EPHA4: variants seen among roughly 807,000 people sequenced by gnomAD.
EPHA4 encodes EPH receptor A4, also known as ephrin type-A receptor 4.
In EPHA4, 19 loss-of-function variants were observed where a neutral mutation model predicts 108.3. The ratio of observed to expected loss-of-function variants is 0.18; its 90% CI spans 0.12 to 0.26. The LOEUF (loss-of-function observed/expected upper bound fraction) is 0.26. Among genes scored for constraint, EPHA4 ranks in the 10% least tolerant of loss-of-function variants. EPHA4 has a pLI of 1.00. For synonymous variants in EPHA4, 449 were observed against 455.5 expected, an observed-to-expected ratio of 0.99 and a Z score of 0.18; for missense variants, 917 against 1,254.0, an observed-to-expected ratio of 0.73 and a Z score of 4.06.
chr2:221,457,312 G>T (rs1690990016), intron 6 of EPHA4, among the ~76,000 whole-genome samples: 1 of 152,160 alleles, frequency 6.6e-6, no homozygotes, highest in Non-Finnish European at 1.5e-5. Context: ...CTGTAAGAGA[G>T]ACAAGTTATT....
At chr2:221,525,595 C>T (rs968976701) in intron 3 of EPHA4, among the ~76,000 whole-genome samples, 5 of 152,046 alleles carry the variant, frequency 3.3e-5, no homozygotes, top group Non-Finnish European at 7.4e-5. Flanking sequence ...AGAGAGCAGG[C>T]GAGATGTGGC....
chr2:221,502,700 C>A, intron 3 of EPHA4: 1 of 416,192 alleles, frequency 2.4e-6, no homozygotes. Context: ...CTTGTAATGG[C>A]AAGCGGAAAG....
chr2:221,531,131 TACA>T (rs1553587553), intron 3 of EPHA4, among the ~76,000 whole-genome samples: 1 of 152,122 alleles, frequency 6.6e-6, no homozygotes, highest in Non-Finnish European at 1.5e-5. Context: ...AAGTGAGATC[TACA>T]ATGAAAAAAA....
chr2:221,496,401 G>A (rs975103398), intron 4 of EPHA4, among the ~76,000 whole-genome samples: 22 of 152,112 alleles, frequency 1.4e-4, no homozygotes, highest in African/African-American at 5.3e-4. Context: ...AGTGTCTACA[G>A]TACTAGACAA....
chr2:221,491,260 T>G (rs746960348), intron 4 of EPHA4, among the ~76,000 whole-genome samples: 2 of 152,214 alleles, frequency 1.3e-5, no homozygotes, highest in South Asian at 4.1e-4. Flanking sequence ...CCAAGAAAAG[T>G]AGAATTGAGT....
intron 4 of EPHA4, among the ~76,000 whole-genome samples, chr2:221,496,521 A>T (rs948127135): frequency 2.0e-5 from 3 of 152,184 alleles, no homozygotes; most frequent in Admixed American, 2.0e-4. Context: ...TATTATCAGC[A>T]AAGTATAGTC....
At chr2:221,444,220 C>T (rs1317200570) in intron 9 of EPHA4, among the ~76,000 whole-genome samples, 1 of 152,154 alleles carries the variant, frequency 6.6e-6, no homozygotes, top group Non-Finnish European at 1.5e-5. Flanking sequence ...TCAAGTTTGC[C>T]AGAAAGTTTC....
intron 16 of EPHA4, 27 bp from the exon 17 acceptor site, chr2:221,426,169 C>T (rs750277371): frequency 3.1e-6 from 5 of 1,589,212 alleles, no homozygotes; most frequent in Non-Finnish European, 4.3e-6. Flanking sequence ...AAAAAAGGGA[C>T]AGAAGAAGTC....
intron 3 of EPHA4, among the ~76,000 whole-genome samples, chr2:221,563,319 T>C (rs566315796): frequency 9.2e-5 from 14 of 152,342 alleles, no homozygotes; most frequent in African/African-American, 3.1e-4. Flanking sequence ...ATTCACGCAC[T>C]TATGCAGAAG....
chr2:221,568,655 T>G (rs548108722), intron 2 of EPHA4, 63 bp downstream of exon 2: 1 of 1,358,596 alleles, frequency 7.4e-7, no homozygotes, highest in African/African-American at 1.4e-5. Flanking sequence ...CCATTAGGAC[T>G]CTCAGAAAGT....
In EPHA4 at chr2:221,474,320, C is replaced by T. The variant is rs147353778; in HGVS notation, c.1318+8032G>A. Among the ~76,000 whole-genome samples the T allele has an allele frequency of 1.9e-3, 283 of 150,474 alleles. 1 individual carries two copies. The highest frequency in any genetic ancestry group is 6.3e-3 in the African/African-American group (259 of 40,814). On this transcript the variant is annotated intron_variant, in intron 5 of 17. Coordinates refer to ENST00000281821, the MANE Select transcript of EPHA4 (RefSeq NM_004438.5). ...TGCTGGTTTATTTTATTTTTAATTA[C>T]GATCATAATTAGTGAGTATGCTTAT...
intron 17 of EPHA4, among the ~76,000 whole-genome samples, chr2:221,422,306 A>G (rs572346660): frequency 1.3e-5 from 2 of 152,304 alleles, no homozygotes; most frequent in East Asian, 3.9e-4. Context: ...AAGTATGAGG[A>G]GAACATGAAT....
At chr2:221,560,326 T>C (rs944742226) in intron 3 of EPHA4, among the ~76,000 whole-genome samples, 4 of 152,098 alleles carry the variant, frequency 2.6e-5, no homozygotes, top group African/African-American at 9.7e-5. Flanking sequence ...TTTTCCTTTA[T>C]ATTCCTTCTT....
intron 3 of EPHA4, among the ~76,000 whole-genome samples, chr2:221,536,814 T>C (rs2106187449): frequency 6.6e-6 from 1 of 152,332 alleles, no homozygotes; most frequent in South Asian, 2.1e-4. Flanking sequence ...CTATTAGCTG[T>C]GTGACTTTGG....
intron 3 of EPHA4, among the ~76,000 whole-genome samples, chr2:221,526,098 C>T (rs904187317): frequency 6.6e-6 from 1 of 152,158 alleles, no homozygotes; most frequent in African/African-American, 2.4e-5. Context: ...ATATAAGACA[C>T]TCTTATGAAT....
chr2:221,523,155 C>T (rs919487660), intron 3 of EPHA4, among the ~76,000 whole-genome samples: 3 of 152,084 alleles, frequency 2.0e-5, no homozygotes, highest in East Asian at 1.9e-4. Flanking sequence ...AGAACACTGG[C>T]GATCAGTTGG....
intron 9 of EPHA4, among the ~76,000 whole-genome samples, 198 bp downstream of exon 9, chr2:221,445,925 C>T (rs530502822): frequency 6.6e-6 from 1 of 152,146 alleles, no homozygotes; most frequent in Non-Finnish European, 1.5e-5. Flanking sequence ...AACTTCTCTA[C>T]CTCATCCCAC....
At position 221,434,201 on chromosome 2, in the gene EPHA4, C is replaced by T. The variant is rs775509386; in HGVS notation, c.2437G>A (p.Val813Ile). 5.6e-6 allele frequency: 9 copies of T among 1,614,170 alleles called. No homozygotes were observed. The highest frequency in any genetic ancestry group is 2.2e-5 in the South Asian group (2 of 91,090). ...SASDVWSYGI[V>I]MWEVMSYGER... ...CCGTACGACATCACTTCCCACATAA[C>T]GATTCCATAGCTCCATACATCACTT... Residue 813 changes from valine (V) to isoleucine (I), a missense_variant, in exon 14 of 18, where the codon GTT becomes ATT. Transcript: ENST00000281821.
chr2:221,528,319 T>C (rs148230384), intron 3 of EPHA4, among the ~76,000 whole-genome samples: 320 of 152,332 alleles, frequency 2.1e-3, no homozygotes, highest in Admixed American at 3.7e-3. Flanking sequence ...GCCTCCCTAG[T>C]AATAATCCAG....
Sources: allele counts gnomAD v4.1 joint callset (sites outside exome capture counted in the v4.1 genomes callset), GRCh38; gene constraint gnomAD v4.1.1; transcripts MANE v1.5; gene names NCBI Gene and HGNC (gene_info 2026-07-23, HGNC 2026-07-21).